The following CTNNA2 variants were observed in gnomAD, a reference collection of about 807,000 sequenced individuals.
CTNNA2 encodes catenin alpha-2.
CTNNA2 carries 42 observed loss-of-function variants against 101.0 expected under a neutral mutation model. The observed-to-expected ratio is 0.42, with a 90% CI of 0.32 to 0.54. CTNNA2 has a LOEUF of 0.54. Among genes scored for constraint, CTNNA2 ranks in the 20% least tolerant of loss-of-function variants. The probability of loss-of-function intolerance (pLI) is 0.14; values close to 1 mark genes in which losing one functional copy is unlikely to be tolerated. For synonymous variants in CTNNA2, 450 were observed against 456.4 expected, an observed-to-expected ratio of 0.99 and a Z score of 0.18; for missense variants, 871 against 1,223.1, an observed-to-expected ratio of 0.71 and a Z score of 4.29.
At chr2:80,131,696 T>G (rs1388960372) in intron 7 of CTNNA2, among the ~76,000 whole-genome samples, 2 of 152,194 alleles carry the variant, frequency 1.3e-5, no homozygotes, top group African/African-American at 2.4e-5. Flanking sequence ...AGCCTCACCA[T>G]GTGTTCAATT....
chr2:79,930,261 A>T, intron 7 of CTNNA2, among the ~76,000 whole-genome samples: 1 of 40,898 alleles, frequency 2.4e-5, no homozygotes, highest in East Asian at 5.9e-4. Flanking sequence ...AAAGAAAGAA[A>T]GAAAGAAAGA....
intron 7 of CTNNA2, among the ~76,000 whole-genome samples, chr2:79,981,604 C>A (rs1464505512): frequency 6.6e-6 from 1 of 152,078 alleles, no homozygotes; most frequent in Non-Finnish European, 1.5e-5. Context: ...AGTTGGAAAA[C>A]ACGGCCACAG....
chr2:80,462,388 T>C (rs1432229584), intron 9 of CTNNA2, among the ~76,000 whole-genome samples: 2 of 152,176 alleles, frequency 1.3e-5, no homozygotes, highest in Non-Finnish European at 2.9e-5. Context: ...AGTCTCTATC[T>C]AGGGTATACT....
intron 7 of CTNNA2, among the ~76,000 whole-genome samples, chr2:80,085,169 T>C (rs1283613293): frequency 6.6e-6 from 1 of 152,084 alleles, no homozygotes; most frequent in South Asian, 2.1e-4. Flanking sequence ...AGCAGATGCC[T>C]TCTTAATTCA....
chr2:79,232,075 G>A (rs1369971690), intron 2 of CTNNA2, among the ~76,000 whole-genome samples: 1 of 152,050 alleles, frequency 6.6e-6, no homozygotes, highest in African/African-American at 2.4e-5. Context: ...ATTGCCCTGG[G>A]TAGGCCTTCC....
Position 80,319,164 on chromosome 2 carries a change from A to C in CTNNA2, c.1057-74047A>C, listed in dbSNP as rs191571956. Among the ~76,000 whole-genome samples, 168 of 152,330 alleles carry C rather than the reference A, an allele frequency of 1.1e-3. 2 individuals are homozygous for C. The highest frequency in any genetic ancestry group is 3.4e-3 in the Middle Eastern group (1 of 294). Reference sequence around the variant, plus strand: ...ACTATGTTCAGACAGTAATAACCCTATATGGGTAAGTACTCATTTTAGAAA... The same window carrying C: ...ACTATGTTCAGACAGTAATAACCCTCTATGGGTAAGTACTCATTTTAGAAA... On this transcript the variant is annotated intron_variant, in intron 7 of 18. Coordinates refer to ENST00000402739, the MANE Select transcript of CTNNA2 (RefSeq NM_001282597.3).
intron 2 of CTNNA2, among the ~76,000 whole-genome samples, chr2:79,724,009 T>A (rs1007973430): frequency 3.3e-5 from 5 of 152,288 alleles, no homozygotes; most frequent in African/African-American, 1.2e-4. Context: ...CAGCACCAAC[T>A]GTTTTGTCTA....
At chr2:80,027,313 G>T (rs1694990283) in intron 7 of CTNNA2, among the ~76,000 whole-genome samples, 1 of 152,180 alleles carries the variant, frequency 6.6e-6, no homozygotes, top group South Asian at 2.1e-4. Context: ...CAAAAAAACC[G>T]CATGGTTGAA....
chr2:79,965,630 C>A (rs1010358894), intron 7 of CTNNA2, among the ~76,000 whole-genome samples: 4 of 151,774 alleles, frequency 2.6e-5, no homozygotes, highest in Non-Finnish European at 5.9e-5. Flanking sequence ...TTAAGACCAG[C>A]CTGGTCAACA....
chr2:80,039,759 T>C lies in CTNNA2; in HGVS notation c.1056+129962T>C, dbSNP rs571106984. ...GGAAGATACAGTTTCCTATGCATTA[T>C]GATTTGAACTCAAAAAACAGAAGGC... On this transcript the variant is annotated intron_variant, in intron 7 of 18. Coordinates refer to ENST00000402739, the MANE Select transcript of CTNNA2 (RefSeq NM_001282597.3). Among the ~76,000 whole-genome samples, 153 of 152,332 alleles carry C rather than the reference T, an allele frequency of 1.0e-3. 1 individual carries two copies. Among genetic ancestry groups the C allele is most frequent in the South Asian group, 6.2e-3 (30 of 4,828 alleles).
chr2:79,911,531 T>C (rs1479569086), intron 7 of CTNNA2, among the ~76,000 whole-genome samples: 3 of 152,256 alleles, frequency 2.0e-5, no homozygotes, highest in African/African-American at 4.8e-5. Context: ...GAAGTTTTTC[T>C]TTCAGTGTAA....
At chr2:80,031,387 C>A (rs1217883701) in intron 7 of CTNNA2, among the ~76,000 whole-genome samples, 1 of 152,138 alleles carries the variant, frequency 6.6e-6, no homozygotes, top group Non-Finnish European at 1.5e-5. Context: ...GCTGGGGAGG[C>A]CTCCCAAACA....
Position 80,574,268 on chromosome 2 carries a change from T to C in CTNNA2, c.1847T>C (p.Val616Ala), listed in dbSNP as rs754265772. Residue 616 changes from valine to alanine, a missense_variant, in exon 13 of 19, where the codon GTG (valine) becomes GCG (alanine). Physicochemically the swap from Val to Ala is moderately conservative, Grantham distance 64. Coordinates refer to ENST00000402739, the MANE Select transcript of CTNNA2 (RefSeq NM_001282597.3). ...ENEFIDASRL[V>A]YDGVRDIRKA... is the part of the protein sequence containing the mutation. The stretch of plus-strand genomic sequence containing the variant: ...GAGTTCATCGATGCCTCTCGCCTGG[T>C]GTATGATGGCGTTCGGGACATCAGA... 6.2e-7 allele frequency: 1 copy of C among 1,613,632 alleles called. No individual in the cohort carries two copies. Among genetic ancestry groups the C allele is most frequent in the Non-Finnish European group, 8.5e-7 (1 of 1,179,642 alleles).
intron 2 of CTNNA2, among the ~76,000 whole-genome samples, chr2:79,217,986 T>C (rs1252575572): frequency 6.6e-6 from 1 of 152,228 alleles, no homozygotes; most frequent in Non-Finnish European, 1.5e-5. Flanking sequence ...GTTAATTGAA[T>C]GAACATCTAC....
intron 12 of CTNNA2, among the ~76,000 whole-genome samples, chr2:80,570,687 G>T (rs1313986078): frequency 6.6e-6 from 1 of 152,026 alleles, no homozygotes; most frequent in Non-Finnish European, 1.5e-5. Flanking sequence ...TAAAAATAAA[G>T]AACTTGTACC....
At chr2:80,344,314 C>T (rs147881534) in intron 7 of CTNNA2, among the ~76,000 whole-genome samples, 1 of 152,220 alleles carries the variant, frequency 6.6e-6, no homozygotes, top group African/African-American at 2.4e-5. Flanking sequence ...TTCGTAGATG[C>T]ACACCCACAC....
intron 4 of CTNNA2, among the ~76,000 whole-genome samples, chr2:79,419,730 G>A (rs554767014): frequency 5.9e-5 from 9 of 152,146 alleles, no homozygotes; most frequent in East Asian, 3.9e-4. Flanking sequence ...ATATAACTTC[G>A]TAGTGTGAGG....
At chr2:80,079,322 G>A (rs1041002776) in intron 7 of CTNNA2, among the ~76,000 whole-genome samples, 9 of 152,218 alleles carry the variant, frequency 5.9e-5, no homozygotes, top group Non-Finnish European at 1.2e-4. Context: ...AAGGAGGTAG[G>A]TGGAGTGTTA....
intron 7 of CTNNA2, among the ~76,000 whole-genome samples, chr2:80,057,464 T>C (rs1697298668): frequency 6.6e-6 from 1 of 152,186 alleles, no homozygotes; most frequent in African/African-American, 2.4e-5. Flanking sequence ...GTCTCAAACC[T>C]TCTTGGGAGC....
Sources: gnomAD v4.1 joint callset for allele counts (sites outside exome capture counted in the v4.1 genomes callset) on GRCh38, gnomAD v4.1.1 for gene constraint, MANE v1.5 for transcripts, NCBI Gene and HGNC (gene_info 2026-07-23, HGNC 2026-07-21) for gene names.